ALMS1: variants seen among roughly 807,000 people sequenced by gnomAD.
The protein encoded by ALMS1 is ALMS1 centrosome and basal body associated protein, also known as centrosome-associated protein ALMS1.
A neutral mutation model predicts 352.2 loss-of-function variants in ALMS1; 271 were observed. The ratio of observed to expected loss-of-function variants is 0.77; its 90% CI spans 0.70 to 0.85. The LOEUF (loss-of-function observed/expected upper bound fraction) is 0.85, where lower values mean the gene tolerates loss of function less well. Among genes scored for constraint, ALMS1 ranks in the 40% least tolerant of loss-of-function variants. ALMS1 has a pLI of 0.00. For missense variants in ALMS1, 5,445 were observed against 4,870.7 expected (o/e 1.12, Z -3.51); for synonymous variants, 1,865 against 1,761.2 (o/e 1.06, Z -1.48).
chr2:73,422,899 C>T lies in ALMS1; in HGVS notation c.689C>T (p.Thr230Ile). The part of the protein sequence containing the change: ...SFASPDLPLL[T>I]CLTQDQEFAP... Reference sequence around the variant, plus strand: ...GCTTCTCCTGATTTGCCTTTGCTGACCTGTTTGACACAAGACCAAGAATTT... The same window carrying T: ...GCTTCTCCTGATTTGCCTTTGCTGATCTGTTTGACACAAGACCAAGAATTT... Residue 230 changes from threonine to isoleucine, a missense_variant, in exon 4 of 23, where the codon ACC (threonine) becomes ATC (isoleucine). Coordinates refer to ENST00000613296, the MANE Select transcript of ALMS1 (RefSeq NM_001378454.1). 1 of 1,613,668 alleles carries T rather than the reference C, an allele frequency of 6.2e-7. No homozygotes were observed. The highest frequency in any genetic ancestry group is 8.5e-7 in the Non-Finnish European group (1 of 1,179,678).
intron 10 of ALMS1, among the ~76,000 whole-genome samples, chr2:73,511,421 G>A (rs1486357523): frequency 6.6e-6 from 1 of 151,982 alleles, no homozygotes; most frequent in Non-Finnish European, 1.5e-5. Flanking sequence ...TTAGGGGAGG[G>A]AGTTCCCCAA....
Position 73,449,835 on chromosome 2 carries a change from C to CTT in ALMS1, c.3309_3310insTT (p.Gly1104LeufsTer19). 6.2e-7 allele frequency: 1 copy of CTT among 1,613,950 alleles called. No individual in the cohort carries two copies. The highest frequency in any genetic ancestry group is 1.1e-5 in the South Asian group (1 of 91,084). On this transcript the variant is annotated frameshift_variant, in exon 8 of 23. Transcript: ENST00000613296. LOFTEE classifies it high-confidence loss of function. ...ACTTTCTACTCACAAAGAGAGAAGC[C>CTT]TGGTATTTTCTACCAACAGACCTTG...
Position 73,559,015 on chromosome 2 carries a change from A to G in ALMS1, c.10257A>G (p.Gly3419=). Residue 3419 remains glycine (G), a synonymous_variant, in exon 15 of 23, where the codon GGA becomes GGG. Transcript: ENST00000613296. The part of the protein sequence containing the change: ...AAAAEHSAQV[G]DPEMKNLPDT... ...CTGCAGAGCACTCAGCTCAAGTAGG[A>G]GACCCAGAAATGAAGAACTTGCCAG... 6.2e-7 allele frequency: 1 copy of G among 1,614,062 alleles called. No homozygotes were observed.
Position 73,451,069 on chromosome 2 carries a change from C to G in ALMS1, c.4542C>G (p.Gly1514=), listed in dbSNP as rs763511170. The G allele has an allele frequency of 1.9e-6, 3 of 1,613,360 alleles. No individual in the cohort carries two copies. Among genetic ancestry groups the G allele is most frequent in the African/African-American group, 1.3e-5 (1 of 74,688 alleles). The change falls in exon 8 of 23, where the codon GGC becomes GGG. Residue 1514 remains glycine (G), a synonymous_variant. Transcript: ENST00000613296. ...CTGGACCAGTTGGCCAGACAACTGG[C>G]GCACCAACTATAACCTCTCCTTCCT... ...VAPGPVGQTT[G]APTITSPSYS... is the part of the protein sequence containing the mutation.
intron 9 of ALMS1, among the ~76,000 whole-genome samples, chr2:73,488,049 C>A (rs1394320964): frequency 1.3e-5 from 2 of 152,216 alleles, no homozygotes; most frequent in Non-Finnish European, 2.9e-5. Flanking sequence ...ACTATAAGTT[C>A]TCCTTTCTGC....
chr2:73,464,999 T>C (rs1672298933), intron 9 of ALMS1, among the ~76,000 whole-genome samples: 1 of 149,164 alleles, frequency 6.7e-6, no homozygotes, highest in African/African-American at 2.6e-5. Context: ...AGAATCAATA[T>C]CGTGAAAATG....
In ALMS1 at chr2:73,451,581, C is replaced by G. The variant is rs1671941104; in HGVS notation, c.5054C>G (p.Pro1685Arg). 1 of 1,613,904 alleles carries G rather than the reference C, an allele frequency of 6.2e-7. No homozygotes were observed. The highest frequency in any genetic ancestry group is 1.3e-5 in the African/African-American group (1 of 74,872). ...CAGACCCTATCAGACAGTCATTTACCTGAAGAAGCTCTGAAAGTTCCACCT... is the reference window on the plus strand; with the variant it reads ...CAGACCCTATCAGACAGTCATTTACGTGAAGAAGCTCTGAAAGTTCCACCT... ...YQQTLSDSHL[P>R]EEALKVPPVP... The change falls in exon 8 of 23, where the codon CCT becomes CGT. Residue 1685 changes from proline to arginine, a missense_variant. By Grantham distance (103) the Pro-to-Arg change is moderately radical. Coordinates refer to ENST00000613296, the MANE Select transcript of ALMS1 (RefSeq NM_001378454.1).
At chr2:73,567,804 T>C (rs1674833948) in intron 15 of ALMS1, among the ~76,000 whole-genome samples, 1 of 152,202 alleles carries the variant, frequency 6.6e-6, no homozygotes, top group African/African-American at 2.4e-5. Context: ...TTCTGACTTT[T>C]CTAATAAATT....
At chr2:73,540,936 C>T (rs1024539405) in intron 12 of ALMS1, among the ~76,000 whole-genome samples, 1 of 152,182 alleles carries the variant, frequency 6.6e-6, no homozygotes, top group African/African-American at 2.4e-5. Flanking sequence ...GACTTTAACT[C>T]CCCACTGTCA....
At chr2:73,522,248 A>G (rs938044336) in intron 11 of ALMS1, among the ~76,000 whole-genome samples, 1 of 152,112 alleles carries the variant, frequency 6.6e-6, no homozygotes, top group Non-Finnish European at 1.5e-5. Flanking sequence ...GTTGCTGTTA[A>G]TTTTCTCCAA....
chr2:73,551,744 T>G (rs1361142380), intron 13 of ALMS1, among the ~76,000 whole-genome samples: 1 of 151,998 alleles, frequency 6.6e-6, no homozygotes, highest in Admixed American at 6.6e-5. Context: ...CCCCCACTGT[T>G]TTATAAAAGC....
intron 7 of ALMS1, among the ~76,000 whole-genome samples, chr2:73,441,932 T>C (rs949401173): frequency 7.2e-5 from 11 of 152,028 alleles, no homozygotes; most frequent in African/African-American, 2.7e-4. Flanking sequence ...ATGGGGGAAG[T>C]GAGGTAAAGA....
At chr2:73,492,718 G>A (rs1673016819) in intron 10 of ALMS1, among the ~76,000 whole-genome samples, 1 of 152,154 alleles carries the variant, frequency 6.6e-6, no homozygotes, top group Admixed American at 6.5e-5. Flanking sequence ...AAATAGTAGA[G>A]TGCCATAGAG....
chr2:73,403,729 G>C (rs1275459881), intron 1 of ALMS1, among the ~76,000 whole-genome samples: 1 of 152,110 alleles, frequency 6.6e-6, no homozygotes, highest in Non-Finnish European at 1.5e-5. Flanking sequence ...TCAGTAGACA[G>C]ATCTTTTGCC....
chr2:73,605,766 C>T (rs967360939), intron 21 of ALMS1, among the ~76,000 whole-genome samples: 1 of 151,834 alleles, frequency 6.6e-6, no homozygotes, highest in Non-Finnish European at 1.5e-5. Flanking sequence ...TTGCCTGAGC[C>T]TGGGAGGCAG....
At chr2:73,507,275 T>A (rs1370104975) in intron 10 of ALMS1, among the ~76,000 whole-genome samples, 7 of 152,164 alleles carry the variant, frequency 4.6e-5, no homozygotes, top group Non-Finnish European at 1.0e-4. Flanking sequence ...TTTGGTATCA[T>A]GATGATGCTG....
chr2:73,419,112 C>T lies in ALMS1; in HGVS notation c.451-11C>T. ...AATGACTTAGCATGTTTTCCTTTAACATTTTTCTAGAAAACAGAATCTTGG... is the reference window on the plus strand; with the variant it reads ...AATGACTTAGCATGTTTTCCTTTAATATTTTTCTAGAAAACAGAATCTTGG... On this transcript the variant is annotated splice_polypyrimidine_tract_variant and intron_variant, in intron 2 of 22. Coordinates refer to ENST00000613296, the MANE Select transcript of ALMS1 (RefSeq NM_001378454.1). 1.2e-6 allele frequency: 2 copies of T among 1,610,170 alleles called. No homozygotes were observed. Among genetic ancestry groups the T allele is most frequent in the African/African-American group, 1.3e-5 (1 of 74,936 alleles).
At chr2:73,521,089 A>G (rs1042162374) in intron 11 of ALMS1, among the ~76,000 whole-genome samples, 1 of 152,220 alleles carries the variant, frequency 6.6e-6, no homozygotes, top group Non-Finnish European at 1.5e-5. Flanking sequence ...GTGCATTTAT[A>G]TACTAAGATG....
chr2:73,552,032 G>A (rs993364394), intron 13 of ALMS1, among the ~76,000 whole-genome samples: 1 of 152,060 alleles, frequency 6.6e-6, no homozygotes, highest in African/African-American at 2.4e-5. Context: ...AAATAAATGA[G>A]ATCTGCATGG....
Sources: allele counts gnomAD v4.1 joint callset (sites outside exome capture counted in the v4.1 genomes callset), GRCh38; gene constraint gnomAD v4.1.1; transcripts MANE v1.5; gene names NCBI Gene and HGNC (gene_info 2026-07-23, HGNC 2026-07-21).